ALDH1A2: variants seen among roughly 807,000 people sequenced by gnomAD.
ALDH1A2 encodes the protein aldehyde dehydrogenase 1 family member A2.
Under a neutral mutation model 60.3 loss-of-function variants are expected in ALDH1A2, and 27 were observed. The observed-to-expected ratio is 0.45, with a 90% CI of 0.33 to 0.62. The LOEUF (loss-of-function observed/expected upper bound fraction) is 0.62, where lower values mean the gene tolerates loss of function less well. Among genes scored for constraint, ALDH1A2 ranks in the 20% least tolerant of loss-of-function variants. The pLI, the probability that ALDH1A2 is intolerant of heterozygous loss-of-function variation, is 0.02. For missense variants in ALDH1A2, 581 were observed against 643.8 expected (o/e 0.90, Z 1.06); for synonymous variants, 289 against 232.4 (o/e 1.24, Z -2.21).
Position 58,065,676 on chromosome 15 carries a change from C to A in ALDH1A2, c.-26G>T. On this transcript the variant is annotated 5_prime_UTR_variant, in exon 1 of 13. Coordinates refer to ENST00000249750, the MANE Select transcript of ALDH1A2 (RefSeq NM_003888.4). Reference sequence around the variant, plus strand: ...GGTGGCGGGCCGGGTGTCCCTAGCCCGCGGCGTGGGGCAGTGCGGGCTGTG... The same window carrying A: ...GGTGGCGGGCCGGGTGTCCCTAGCCAGCGGCGTGGGGCAGTGCGGGCTGTG... 1 of 1,524,892 alleles carries A rather than the reference C, an allele frequency of 6.6e-7. No individual in the cohort carries two copies. The highest frequency in any genetic ancestry group is 8.9e-7 in the Non-Finnish European group (1 of 1,125,030). The allele number at this position is 1,524,892 out of a possible 1,614,324, so 94.5% of individuals were successfully genotyped here. A position where few individuals can be genotyped will look rare whatever the true frequency, so the allele number is the denominator to read the frequency against.
At chr15:58,053,336 G>C (rs1896822506) in intron 1 of ALDH1A2, among the ~76,000 whole-genome samples, 1 of 152,094 alleles carries the variant, frequency 6.6e-6, no homozygotes, top group African/African-American at 2.4e-5. Flanking sequence ...TGGAATTTTA[G>C]TTCACTGAAA....
intron 9 of ALDH1A2, among the ~76,000 whole-genome samples, chr15:57,962,464 C>T (rs958697226): frequency 2.0e-5 from 3 of 152,128 alleles, no homozygotes; most frequent in African/African-American, 7.2e-5. Flanking sequence ...ATGATGGAGA[C>T]ACTGGCTAAT....
At chr15:58,058,682 A>C (rs1198281096) in intron 1 of ALDH1A2, among the ~76,000 whole-genome samples, 2 of 152,162 alleles carry the variant, frequency 1.3e-5, no homozygotes, top group Admixed American at 1.3e-4. Context: ...CCTAAACAAA[A>C]GCTTTTCTCT....
In ALDH1A2 at chr15:58,065,370, C is replaced by T. The variant is rs1595702883; in HGVS notation, c.117+164G>A. On this transcript the variant is annotated intron_variant, in intron 1 of 12. Transcript: ENST00000249750. ...GACCACGGCGGGGCTTCAAACGCCC[C>T]AGTCCCGAAGACAGGCAGGGGGTCC... is the stretch of plus-strand genomic sequence containing the variant. The T allele has an allele frequency of 5.5e-6, 4 of 733,026 alleles. No individual in the cohort carries two copies. The Admixed American group carries it at 8.0e-5, about 15-fold the overall frequency. The allele number at this position is 733,026 out of a possible 1,614,324, so 45.4% of individuals were successfully genotyped here.
intron 7 of ALDH1A2, among the ~76,000 whole-genome samples, chr15:57,981,536 A>C (rs1489714719): frequency 2.0e-5 from 3 of 152,212 alleles, no homozygotes; most frequent in Non-Finnish European, 4.4e-5. Context: ...ACTTTCAAAT[A>C]CATTATTTCA....
chr15:58,021,312 T>C (rs1466201375), intron 1 of ALDH1A2, among the ~76,000 whole-genome samples: 1 of 152,140 alleles, frequency 6.6e-6, no homozygotes, highest in Non-Finnish European at 1.5e-5. Flanking sequence ...ACACTTCAAA[T>C]ATATTATCCA....
At chr15:58,061,604 A>AC (rs1331832620) in intron 1 of ALDH1A2, among the ~76,000 whole-genome samples, 12 of 141,256 alleles carry the variant, frequency 8.5e-5, no homozygotes, top group African/African-American at 3.1e-4. Flanking sequence ...TCAAAAAAAA[A>AC]AAAAACAAAA....
intron 1 of ALDH1A2, among the ~76,000 whole-genome samples, chr15:58,035,882 A>C (rs1896365666): frequency 6.6e-6 from 1 of 151,652 alleles, no homozygotes; most frequent in South Asian, 2.1e-4. Context: ...CATTTTGCTG[A>C]TGCTGGACAT....
intron 1 of ALDH1A2, among the ~76,000 whole-genome samples, chr15:58,022,297 G>A (rs981753814): frequency 6.6e-6 from 1 of 152,084 alleles, no homozygotes; most frequent in African/African-American, 2.4e-5. Flanking sequence ...GGGTACTGAG[G>A]TTGGGCCTAA....
At chr15:57,995,552 A>C (rs1184410330) in intron 4 of ALDH1A2, among the ~76,000 whole-genome samples, 1 of 152,126 alleles carries the variant, frequency 6.6e-6, no homozygotes, top group African/African-American at 2.4e-5. Flanking sequence ...AAAATAAACT[A>C]AGTAAAATGC....
At position 57,961,980 on chromosome 15, in the gene ALDH1A2, T is replaced by C. The variant is rs35153668; in HGVS notation, c.1251+32A>G. 9.9e-6 allele frequency: 16 copies of C among 1,613,620 alleles called. No individual in the cohort carries two copies. In the South Asian group the frequency reaches 1.5e-4, roughly 16 times the overall value. On this transcript the variant is annotated intron_variant, in intron 10 of 12. Transcript: ENST00000249750. ...GCTCTAGAAATGATCCCAAGAAAGA[T>C]GTGGCTTTTGTAAGAACAGCATATT... is the stretch of plus-strand genomic sequence containing the variant.
At chr15:57,965,919 C>G in intron 7 of ALDH1A2, 92 bp from the exon 8 acceptor site, 4 of 958,792 alleles carry the variant, frequency 4.2e-6, no homozygotes, top group East Asian at 2.5e-5. Flanking sequence ...TGGGATGCAA[C>G]AGTAACAAAC....
intron 7 of ALDH1A2, among the ~76,000 whole-genome samples, chr15:57,970,871 T>C (rs951918292): frequency 1.3e-5 from 2 of 152,222 alleles, no homozygotes; most frequent in Non-Finnish European, 2.9e-5. Flanking sequence ...TTCATTGTTA[T>C]GCTTCCTGGT....
chr15:58,000,744 C>T (rs1895237531), intron 4 of ALDH1A2, among the ~76,000 whole-genome samples: 2 of 151,766 alleles, frequency 1.3e-5, no homozygotes, highest in Admixed American at 6.6e-5. Flanking sequence ...CTGGAGATCT[C>T]GTGAATATAC....
chr15:58,045,757 T>C (rs566761160), intron 1 of ALDH1A2, among the ~76,000 whole-genome samples: 1 of 151,804 alleles, frequency 6.6e-6, no homozygotes, highest in African/African-American at 2.4e-5. Flanking sequence ...GATGGGGGGC[T>C]AAGTATGGTA....
rs1895723366 is a variant in ALDH1A2, at chr15:58,014,204, C to T, written c.195G>A (p.Gln65=). The change falls in exon 2 of 13, where the codon CAG becomes CAA. Residue 65 remains glutamine (Q), a synonymous_variant. Coordinates refer to ENST00000249750, the MANE Select transcript of ALDH1A2 (RefSeq NM_003888.4). ...FPVYNPATGE[Q]VCEVQEADKA... is the part of the protein sequence containing the mutation. ...TGTCTGCTTCTTGAACTTCACACACCTGTTCTCCTGTGGCTGGATTATAGA... is the reference window on the plus strand; with the variant it reads ...TGTCTGCTTCTTGAACTTCACACACTTGTTCTCCTGTGGCTGGATTATAGA... 8 of 1,613,998 alleles carry T rather than the reference C, an allele frequency of 5.0e-6. No homozygotes were observed. The highest frequency in any genetic ancestry group is 6.8e-6 in the Non-Finnish European group (8 of 1,179,990).
chr15:58,057,074 C>T (rs1264650145), intron 1 of ALDH1A2, among the ~76,000 whole-genome samples: 3 of 152,066 alleles, frequency 2.0e-5, no homozygotes, highest in Non-Finnish European at 2.9e-5. Context: ...TTTAGGTATA[C>T]ATCCTAGATG....
At position 58,013,974 on chromosome 15, in the gene ALDH1A2, C is replaced by T; in HGVS notation, c.247G>A (p.Ala83Thr). 6.2e-7 allele frequency: 1 copy of T among 1,614,092 alleles called. No individual in the cohort carries two copies. Residue 83 changes from alanine to threonine, a missense_variant, in exon 3 of 13, where the codon GCA (alanine) becomes ACA (threonine). By Grantham distance (58) the Ala-to-Thr change is moderately conservative. Around this residue, in one of 2 missense-constraint regions of ALDH1A2, gnomAD observed 206 missense variants for 174.1 expected, o/e 1.18. Transcript: ENST00000249750. ...CCAAGAGAGAAAGCCAGGCGGGCTG[C>T]CTGCACTGCTTTGTCTATATCTGCC... ...DKADIDKAVQ[A>T]ARLAFSLGSV...
At chr15:58,030,103 C>T (rs560970993) in intron 1 of ALDH1A2, among the ~76,000 whole-genome samples, 1 of 152,248 alleles carries the variant, frequency 6.6e-6, no homozygotes, top group South Asian at 2.1e-4. Flanking sequence ...CAATTTTAGA[C>T]CAATATCCCT....
Sources: gnomAD v4.1 joint callset for allele counts (sites outside exome capture counted in the v4.1 genomes callset) on GRCh38, gnomAD v4.1.1 for gene constraint, gnomAD v4.1.1 regional missense constraint, MANE v1.5 for transcripts, NCBI Gene and HGNC (gene_info 2026-07-23, HGNC 2026-07-21) for gene names.